PODXL2: variants seen among roughly 807,000 people sequenced by gnomAD.
PODXL2 encodes the protein podocalyxin like 2, also known as podocalyxin-like protein 2.
Under a neutral mutation model 53.4 loss-of-function variants are expected in PODXL2, and 17 were observed. The observed-to-expected ratio is 0.32, with a 90% CI of 0.22 to 0.48. The LOEUF (loss-of-function observed/expected upper bound fraction) is 0.48, where lower values mean the gene tolerates loss of function less well. Ranked by LOEUF, PODXL2 falls within the 20% of genes least tolerant of loss-of-function variation. The probability of loss-of-function intolerance (pLI) is 0.99; values close to 1 mark genes in which losing one functional copy is unlikely to be tolerated. For missense variants in PODXL2, 673 were observed against 760.0 expected, an observed-to-expected ratio of 0.89 and a Z score of 1.35; for synonymous variants, 311 against 306.7, an observed-to-expected ratio of 1.01 and a Z score of -0.15.
intron 2 of PODXL2, among the ~76,000 whole-genome samples, chr3:127,652,878 C>T (rs956788320): frequency 1.6e-4 from 25 of 152,160 alleles, no homozygotes; most frequent in African/African-American, 4.1e-4. Flanking sequence ...GAGCTGTCCA[C>T]GGCAGCAGGG....
chr3:127,650,597 T>C (rs2107708692), intron 2 of PODXL2, among the ~76,000 whole-genome samples: 1 of 152,324 alleles, frequency 6.6e-6, no homozygotes, highest in Admixed American at 6.5e-5. Flanking sequence ...TCAGCAAATA[T>C]TTACTGTGTA....
rs554560846 is a variant in PODXL2 at position 127,643,227 on chromosome 3, C to T, written c.349+3704C>T. On this transcript the variant is annotated intron_variant, in intron 2 of 7. Coordinates refer to ENST00000342480, the MANE Select transcript of PODXL2 (RefSeq NM_015720.4). ...AGCTTAAAATTACTTTTTTTTTCTT[C>T]GAGATGGAGTTTTGCTCTAGTCACC... 4.0e-5 allele frequency among the ~76,000 whole-genome samples: 6 copies of T among 151,116 alleles called. No individual in the cohort carries two copies. The East Asian group carries it at 1.2e-3, about 29-fold the overall frequency.
At chr3:127,640,428 T>C (rs1370493544) in intron 2 of PODXL2, among the ~76,000 whole-genome samples, 1 of 152,122 alleles carries the variant, frequency 6.6e-6, no homozygotes, top group African/African-American at 2.4e-5. Flanking sequence ...AGGCTGGGTG[T>C]GGTGGCTCAC....
intron 4 of PODXL2, 102 bp from the exon 5 acceptor site, chr3:127,668,339 G>A: frequency 2.7e-6 from 3 of 1,093,846 alleles, no homozygotes; most frequent in Non-Finnish European, 3.6e-6. Context: ...TCTTGGAACA[G>A]CCAGAGGGTT....
chr3:127,671,808 T>C (rs2074843936), intron 7 of PODXL2, among the ~76,000 whole-genome samples, 195 bp downstream of exon 7: 1 of 151,970 alleles, frequency 6.6e-6, no homozygotes, highest in Non-Finnish European at 1.5e-5. Context: ...GTGCAGGGAG[T>C]GAGGGGGCTG....
chr3:127,665,323 T>A (rs1211270930), intron 4 of PODXL2, among the ~76,000 whole-genome samples: 1 of 152,244 alleles, frequency 6.6e-6, no homozygotes, highest in African/African-American at 2.4e-5. Context: ...ATACAGAGAC[T>A]ACATATTCAG....
intron 4 of PODXL2, among the ~76,000 whole-genome samples, chr3:127,665,079 A>G (rs925652227): frequency 1.8e-4 from 27 of 152,298 alleles, no homozygotes; most frequent in Non-Finnish European, 2.8e-4. Flanking sequence ...CACTGCTACA[A>G]AACTATTATC....
At chr3:127,660,051 A>G (rs1430214318) in intron 2 of PODXL2, among the ~76,000 whole-genome samples, 6 of 152,242 alleles carry the variant, frequency 3.9e-5, no homozygotes, top group Non-Finnish European at 8.8e-5. Context: ...GATGAGGACA[A>G]GCAAGCACAT....
At chr3:127,640,367 G>A (rs962316374) in intron 2 of PODXL2, among the ~76,000 whole-genome samples, 4 of 152,122 alleles carry the variant, frequency 2.6e-5, no homozygotes, top group Non-Finnish European at 5.9e-5. Context: ...AAGAACACAT[G>A]AACATTGTAG....
chr3:127,649,726 G>C (rs9864524), intron 2 of PODXL2, among the ~76,000 whole-genome samples: 11,553 of 152,218 alleles, frequency 0.076, 1,250 homozygotes, highest in African/African-American at 0.23. Context: ...CACCTGAGGT[G>C]AGGAGTTCGA....
At chr3:127,661,213 C>T in intron 3 of PODXL2, 54 bp downstream of exon 3, 2 of 1,393,522 alleles carry the variant, frequency 1.4e-6, no homozygotes, top group South Asian at 2.5e-5. Flanking sequence ...CAGAGCCTGG[C>T]CATCCCCAGG....
intron 7 of PODXL2, 64 bp downstream of exon 7, chr3:127,671,677 CTCA>C: frequency 6.7e-7 from 1 of 1,496,214 alleles, no homozygotes; most frequent in Non-Finnish European, 9.2e-7. Flanking sequence ...GATAGGTGTC[CTCA>C]TCTGCAAGGG....
intron 4 of PODXL2, among the ~76,000 whole-genome samples, chr3:127,667,946 C>T (rs1290743452): frequency 2.0e-5 from 3 of 152,224 alleles, no homozygotes; most frequent in African/African-American, 7.2e-5. Context: ...TTGGTAGTTA[C>T]ATGGTGCACA....
In PODXL2 at chr3:127,660,982, C is replaced by T. The variant is rs755037719; in HGVS notation, c.954C>T (p.Ala318=). Residue 318 remains alanine, a synonymous_variant, in exon 3 of 8, where the codon GCC becomes GCT. Coordinates refer to ENST00000342480, the MANE Select transcript of PODXL2 (RefSeq NM_015720.4). ...SFPQTTAPSG[A]EHPDEDPLGS... ...CTCAAACCACAGCTCCCAGTGGGGC[C>T]GAGCACCCAGATGAAGATCCCCTTG... 1.5e-5 allele frequency: 24 copies of T among 1,614,090 alleles called. No individual in the cohort carries two copies. Among genetic ancestry groups the T allele is most frequent in the Non-Finnish European group, 1.9e-5 (22 of 1,180,050 alleles).
intron 1 of PODXL2, among the ~76,000 whole-genome samples, chr3:127,634,443 C>G (rs1198041381): frequency 7.1e-6 from 1 of 140,816 alleles, no homozygotes. Flanking sequence ...AAAAAGTTGA[C>G]TGGGCACAGT....
chr3:127,652,288 AT>A (rs2074694403), intron 2 of PODXL2, among the ~76,000 whole-genome samples: 2 of 152,024 alleles, frequency 1.3e-5, no homozygotes, highest in Non-Finnish European at 2.9e-5. Context: ...TGAGTCTGGG[AT>A]TTGGAGACCC....
At chr3:127,661,989 A>G (rs1274364958) in intron 3 of PODXL2, among the ~76,000 whole-genome samples, 1 of 152,146 alleles carries the variant, frequency 6.6e-6, no homozygotes, top group Non-Finnish European at 1.5e-5. Flanking sequence ...ATAGTCCCCT[A>G]CTTCCTGGGA....
rs775568507 is a variant in PODXL2 at position 127,660,795 on chromosome 3, G to A, written c.767G>A (p.Gly256Glu). 3.1e-6 allele frequency: 5 copies of A among 1,614,108 alleles called. No homozygotes were observed. In the Admixed American group the frequency reaches 8.3e-5, roughly 27 times the overall value. The change falls in exon 3 of 8, where the codon GGG becomes GAG. Residue 256 changes from glycine to glutamate, a missense_variant. Around this residue, in one of 3 missense-constraint regions of PODXL2, gnomAD observed 588 missense variants for 668.3 expected, o/e 0.88. Transcript: ENST00000342480. ...PSVTPTTVTP[G>E]DQDSTSQEAE... ...GTCACCCCAACTACAGTGACTCCGG[G>A]GGACCAGGACTCCACCAGCCAAGAG...
chr3:127,650,725 C>T (rs532796709), intron 2 of PODXL2, among the ~76,000 whole-genome samples: 3 of 152,080 alleles, frequency 2.0e-5, no homozygotes, highest in Non-Finnish European at 4.4e-5. Context: ...GGTGCGATCT[C>T]GGCTCACTGC....
Sources: allele counts gnomAD v4.1 joint callset (sites outside exome capture counted in the v4.1 genomes callset), GRCh38; gene constraint gnomAD v4.1.1; regional missense constraint gnomAD v4.1.1; transcripts MANE v1.5; gene names NCBI Gene and HGNC (gene_info 2026-07-23, HGNC 2026-07-21).